The following DPYSL3 variants were observed in gnomAD, a reference collection of about 807,000 sequenced individuals.
DPYSL3 encodes dihydropyrimidinase-related protein 3.
A neutral mutation model predicts 66.1 loss-of-function variants in DPYSL3; 16 were observed. The observed-to-expected ratio is 0.24, with a 90% CI of 0.16 to 0.37. The LOEUF is 0.37. Among genes scored for constraint, DPYSL3 ranks in the 10% least tolerant of loss-of-function variants. DPYSL3 has a pLI of 1.00. For synonymous variants in DPYSL3, 338 were observed against 345.1 expected, an observed-to-expected ratio of 0.98 and a Z score of 0.23; for missense variants, 738 against 916.2, an observed-to-expected ratio of 0.81 and a Z score of 2.51.
At chr5:147,501,759 G>T (rs369180380) in intron 1 of DPYSL3, among the ~76,000 whole-genome samples, 13 of 152,176 alleles carry the variant, frequency 8.5e-5, no homozygotes, top group African/African-American at 2.6e-4. Context: ...GATTACAGGC[G>T]TGAGCCACCA....
At chr5:147,471,297 A>G (rs976851988) in intron 1 of DPYSL3, among the ~76,000 whole-genome samples, 1 of 152,126 alleles carries the variant, frequency 6.6e-6, no homozygotes, top group African/African-American at 2.4e-5. Context: ...CAGTAAAACT[A>G]TTGAGAAAAA....
intron 2 of DPYSL3, among the ~76,000 whole-genome samples, chr5:147,420,228 C>G (rs1251052160): frequency 6.6e-6 from 1 of 152,198 alleles, no homozygotes; most frequent in Non-Finnish European, 1.5e-5. Flanking sequence ...TGCTTCAATT[C>G]TTTCCTCTGT....
intron 4 of DPYSL3, 39 bp from the exon 5 acceptor site, chr5:147,413,696 A>G: frequency 2.6e-6 from 4 of 1,534,662 alleles, no homozygotes; most frequent in Non-Finnish European, 3.6e-6. Flanking sequence ...AGAGAAAGAC[A>G]ACATTATCAT....
At chr5:147,445,608 A>G (rs1413944340) in intron 1 of DPYSL3, among the ~76,000 whole-genome samples, 3 of 152,192 alleles carry the variant, frequency 2.0e-5, no homozygotes, top group Non-Finnish European at 4.4e-5. Flanking sequence ...TGTACATGGC[A>G]TGATTGGGCC....
intron 4 of DPYSL3, among the ~76,000 whole-genome samples, chr5:147,415,265 T>C (rs1259051372): frequency 1.3e-5 from 2 of 152,126 alleles, no homozygotes; most frequent in African/African-American, 2.4e-5. Flanking sequence ...TGTTATATGA[T>C]AGTAAGGGTT....
chr5:147,448,428 G>A (rs890257843), intron 1 of DPYSL3, among the ~76,000 whole-genome samples: 1 of 152,144 alleles, frequency 6.6e-6, no homozygotes, highest in Non-Finnish European at 1.5e-5. Flanking sequence ...TTTATATAAC[G>A]CTGTTTATTT....
At chr5:147,464,905 A>G (rs1338347667) in intron 1 of DPYSL3, among the ~76,000 whole-genome samples, 1 of 152,174 alleles carries the variant, frequency 6.6e-6, no homozygotes, top group Non-Finnish European at 1.5e-5. Flanking sequence ...GTACACAGAG[A>G]AGTAAATCTG....
chr5:147,455,121 A>G (rs1752823135), intron 1 of DPYSL3, among the ~76,000 whole-genome samples: 1 of 152,232 alleles, frequency 6.6e-6, no homozygotes, highest in African/African-American at 2.4e-5. Flanking sequence ...ACTGATGGCA[A>G]TTCTAGACAT....
intron 1 of DPYSL3, among the ~76,000 whole-genome samples, chr5:147,493,375 C>G (rs1478254118): frequency 6.6e-6 from 1 of 152,116 alleles, no homozygotes; most frequent in African/African-American, 2.4e-5. Flanking sequence ...GAGTTTGAGA[C>G]CAGCCTGAGA....
At chr5:147,502,499 C>A (rs1441385823) in intron 1 of DPYSL3, among the ~76,000 whole-genome samples, 1 of 150,760 alleles carries the variant, frequency 6.6e-6, no homozygotes, top group Non-Finnish European at 1.5e-5. Context: ...TACTGCTGAT[C>A]TCTTTGGTAC....
chr5:147,429,998 T>C (rs1024673045), intron 1 of DPYSL3, among the ~76,000 whole-genome samples: 8 of 152,168 alleles, frequency 5.3e-5, no homozygotes, highest in Non-Finnish European at 7.4e-5. Context: ...TAAAGTGTGA[T>C]ATAAGTCTAA....
intron 1 of DPYSL3, among the ~76,000 whole-genome samples, chr5:147,439,930 A>G (rs918015379): frequency 4.6e-5 from 7 of 152,240 alleles, no homozygotes; most frequent in African/African-American, 1.7e-4. Context: ...AGACTTCACA[A>G]CTTTAAAACA....
intron 1 of DPYSL3, among the ~76,000 whole-genome samples, chr5:147,499,663 A>T (rs1352436893): frequency 1.2e-4 from 19 of 152,202 alleles, no homozygotes; most frequent in Non-Finnish European, 1.5e-5. Flanking sequence ...CACAGTTCCA[A>T]TCAAGATTCT....
At chr5:147,415,925 C>G in intron 3 of DPYSL3, 52 bp from the exon 4 acceptor site, 1 of 1,589,454 alleles carries the variant, frequency 6.3e-7, no homozygotes, top group Non-Finnish European at 8.6e-7. Flanking sequence ...CCTTTGCTCC[C>G]CTCTGCCCAG....
intron 1 of DPYSL3, among the ~76,000 whole-genome samples, chr5:147,461,918 A>G (rs1019219702): frequency 6.6e-6 from 1 of 152,138 alleles, no homozygotes; most frequent in Non-Finnish European, 1.5e-5. Context: ...ACCAAGCAGA[A>G]AGCTCCAAAA....
intron 12 of DPYSL3, among the ~76,000 whole-genome samples, chr5:147,396,486 G>C (rs1336238221): frequency 6.6e-6 from 1 of 152,232 alleles, no homozygotes; most frequent in African/African-American, 2.4e-5. Context: ...GGCCAGAGGG[G>C]AGGCAATGAG....
At chr5:147,417,833 C>T (rs1408594764) in intron 3 of DPYSL3, among the ~76,000 whole-genome samples, 3 of 152,186 alleles carry the variant, frequency 2.0e-5, no homozygotes. Flanking sequence ...AAATACAGCG[C>T]AGACCATAAG....
At chr5:147,482,964 G>C (rs1234046345) in intron 1 of DPYSL3, among the ~76,000 whole-genome samples, 1 of 152,130 alleles carries the variant, frequency 6.6e-6, no homozygotes, top group Non-Finnish European at 1.5e-5. Context: ...ATCAGATCTC[G>C]TGAGAACTCA....
At chr5:147,488,460 G>T (rs1389748482) in intron 1 of DPYSL3, among the ~76,000 whole-genome samples, 1 of 152,150 alleles carries the variant, frequency 6.6e-6, no homozygotes, top group Admixed American at 6.5e-5. Context: ...TTTAGCCAGT[G>T]CCTTAAAATC....
Sources: allele counts gnomAD v4.1 joint callset (sites outside exome capture counted in the v4.1 genomes callset), GRCh38; gene constraint gnomAD v4.1.1; transcripts MANE v1.5; gene names NCBI Gene and HGNC (gene_info 2026-07-23, HGNC 2026-07-21).